XRCC4: variants seen among roughly 807,000 people sequenced by gnomAD.
XRCC4 encodes DNA repair protein XRCC4.
In XRCC4, 28 loss-of-function variants were observed where a neutral mutation model predicts 39.1. That is an observed-to-expected ratio of 0.72 (90% CI 0.53 to 0.98). The LOEUF (loss-of-function observed/expected upper bound fraction) is 0.98. Among genes scored for constraint, XRCC4 ranks in the 50% least tolerant of loss-of-function variants. The pLI is 0.00. For missense variants in XRCC4, 350 were observed against 376.4 expected, an observed-to-expected ratio of 0.93 and a Z score of 0.58; for synonymous variants, 123 against 126.4, an observed-to-expected ratio of 0.97 and a Z score of 0.18.
intron 6 of XRCC4, among the ~76,000 whole-genome samples, chr5:83,247,714 G>A (rs906305932): frequency 3.9e-5 from 6 of 152,092 alleles, no homozygotes; most frequent in Non-Finnish European, 8.8e-5. Context: ...TAATGAAACT[G>A]TATACTGTGG....
chr5:83,226,424 G>T (rs1281414505), intron 6 of XRCC4, among the ~76,000 whole-genome samples: 1 of 151,982 alleles, frequency 6.6e-6, no homozygotes, highest in African/African-American at 2.4e-5. Context: ...TTCTATACTG[G>T]CCCAAGGGGT....
intron 6 of XRCC4, among the ~76,000 whole-genome samples, chr5:83,238,596 A>G (rs1196808783): frequency 6.6e-6 from 1 of 152,160 alleles, no homozygotes; most frequent in African/African-American, 2.4e-5. Flanking sequence ...ATAAAAATAT[A>G]TAGTAATAAA....
chr5:83,300,449 G>T (rs28360289), intron 7 of XRCC4, among the ~76,000 whole-genome samples: 3,035 of 151,866 alleles, frequency 0.02, 85 homozygotes, highest in African/African-American at 0.068. Flanking sequence ...CTGAAACTTA[G>T]CAAGAATAGT....
chr5:83,282,072 G>A (rs1310182939), intron 7 of XRCC4, among the ~76,000 whole-genome samples: 1 of 152,208 alleles, frequency 6.6e-6, no homozygotes, highest in Admixed American at 6.5e-5. Flanking sequence ...AGAAAGAAAA[G>A]ATGAAGAAAT....
At chr5:83,234,609 A>G (rs1356710920) in intron 6 of XRCC4, among the ~76,000 whole-genome samples, 3 of 152,142 alleles carry the variant, frequency 2.0e-5, no homozygotes, top group Admixed American at 6.6e-5. Flanking sequence ...AATTCTGCTT[A>G]TCAGGGAGGA....
rs548589709 is a variant in XRCC4 at position 83,342,678 on chromosome 5, C to T, written c.894-10453C>T. On this transcript the variant is annotated intron_variant, in intron 7 of 7. Transcript: ENST00000396027. Reference sequence around the variant, plus strand: ...CTAGTGAATTCCAGGCAATGTTCAGCACTGGTTTTACTGAATCTGGATGAC... The same window carrying T: ...CTAGTGAATTCCAGGCAATGTTCAGTACTGGTTTTACTGAATCTGGATGAC... Among the ~76,000 whole-genome samples, 133 of 152,234 alleles carry T rather than the reference C, an allele frequency of 8.7e-4. 2 individuals carry two copies. The highest frequency in any genetic ancestry group is 1.3e-3 in the Admixed American group (20 of 15,272).
At chr5:83,245,149 A>G (rs1413027736) in intron 6 of XRCC4, among the ~76,000 whole-genome samples, 2 of 152,142 alleles carry the variant, frequency 1.3e-5, no homozygotes, top group African/African-American at 4.8e-5. Flanking sequence ...TTGTTTTCTT[A>G]GCTTTTGATG....
At chr5:83,170,721 C>T (rs1413802583) in intron 3 of XRCC4, among the ~76,000 whole-genome samples, 1 of 75,362 alleles carries the variant, frequency 1.3e-5, no homozygotes, top group Non-Finnish European at 2.5e-5. Context: ...TCAGACCCAA[C>T]TGGAATGATC....
intron 6 of XRCC4, among the ~76,000 whole-genome samples, chr5:83,226,553 A>G (rs1752298527): frequency 2.0e-5 from 3 of 152,068 alleles, no homozygotes; most frequent in Admixed American, 2.0e-4. Context: ...GGTGAATTTA[A>G]AGCCAAACTA....
Position 83,270,127 on chromosome 5 carries a change from G to A in XRCC4, c.893+11450G>A, listed in dbSNP as rs559182029. Among the ~76,000 whole-genome samples the A allele has an allele frequency of 2.1e-3, 312 of 152,194 alleles. 1 individual carries two copies. Among genetic ancestry groups the A allele is most frequent in the African/African-American group, 7.1e-3 (296 of 41,536 alleles). On this transcript the variant is annotated intron_variant, in intron 7 of 7. Transcript: ENST00000396027. ...TGCCTCGCATGCACAGTTCACAATA[G>A]GATTTGTGCTCCTGTGAGAATCTAA... is the stretch of plus-strand genomic sequence containing the variant.
intron 3 of XRCC4, among the ~76,000 whole-genome samples, chr5:83,113,520 G>C (rs563101029): frequency 2.6e-5 from 4 of 152,184 alleles, no homozygotes; most frequent in Non-Finnish European, 5.9e-5. Flanking sequence ...TCTGTATAGG[G>C]GCTCCAACCC....
At chr5:83,340,240 T>C (rs1411608467) in intron 7 of XRCC4, among the ~76,000 whole-genome samples, 1 of 146,928 alleles carries the variant, frequency 6.8e-6, no homozygotes, top group East Asian at 2.0e-4. Flanking sequence ...GGAATAATAA[T>C]TGGGCCCTAA....
chr5:83,207,730 T>A (rs73134636), intron 6 of XRCC4, among the ~76,000 whole-genome samples: 99 of 152,162 alleles, frequency 6.5e-4, no homozygotes, highest in African/African-American at 2.4e-3. Flanking sequence ...CACAATTAAT[T>A]CTTCTACAGA....
intron 7 of XRCC4, among the ~76,000 whole-genome samples, chr5:83,263,842 T>G (rs1433507977): frequency 7.3e-5 from 11 of 151,436 alleles, no homozygotes; most frequent in African/African-American, 1.7e-4. Flanking sequence ...AGAAGCTCTT[T>G]AGTTTAATTA....
chr5:83,235,484 C>T (rs1752655447), intron 6 of XRCC4, among the ~76,000 whole-genome samples: 1 of 151,710 alleles, frequency 6.6e-6, no homozygotes, highest in African/African-American at 2.4e-5. Flanking sequence ...TCCACAGATG[C>T]CAAAAAAGCA....
At chr5:83,167,350 A>G (rs917486958) in intron 3 of XRCC4, among the ~76,000 whole-genome samples, 1 of 152,170 alleles carries the variant, frequency 6.6e-6, no homozygotes, top group African/African-American at 2.4e-5. Context: ...TATTCATGAA[A>G]GTAATGTGAG....
chr5:83,181,143 C>T (rs780264690), intron 3 of XRCC4, among the ~76,000 whole-genome samples: 3 of 135,486 alleles, frequency 2.2e-5, no homozygotes, highest in Non-Finnish European at 4.8e-5. Flanking sequence ...TAGATATTAT[C>T]TATTATCTTT....
chr5:83,207,626 T>C (rs990074354), intron 6 of XRCC4, among the ~76,000 whole-genome samples: 5 of 152,138 alleles, frequency 3.3e-5, no homozygotes, highest in Non-Finnish European at 4.4e-5. Context: ...CTCAAATGCT[T>C]GACACTGAAT....
At chr5:83,285,315 T>G (rs1397264874) in intron 7 of XRCC4, among the ~76,000 whole-genome samples, 2 of 152,090 alleles carry the variant, frequency 1.3e-5, no homozygotes, top group Non-Finnish European at 2.9e-5. Context: ...CTGAGGGGTG[T>G]TTCAAAGGGG....
Sources: allele counts gnomAD v4.1 joint callset (sites outside exome capture counted in the v4.1 genomes callset), GRCh38; gene constraint gnomAD v4.1.1; transcripts MANE v1.5; gene names NCBI Gene and HGNC (gene_info 2026-07-23, HGNC 2026-07-21).